The following DPY19L2 variants were observed in gnomAD, a reference collection of about 807,000 sequenced individuals.
The protein encoded by DPY19L2 is dpy-19 like 2, also known as probable C-mannosyltransferase DPY19L2.
In DPY19L2, 34 loss-of-function variants were observed where a neutral mutation model predicts 97.9. That is an observed-to-expected ratio of 0.35 (90% CI 0.26 to 0.46). DPY19L2 has a LOEUF of 0.46. Among genes scored for constraint, DPY19L2 ranks in the 20% least tolerant of loss-of-function variants. The pLI is 1.00. For synonymous variants in DPY19L2, 230 were observed against 307.9 expected (o/e 0.75, Z 2.65); for missense variants, 623 against 911.4 (o/e 0.68, Z 4.07).
chr12:63,608,084 T>C (rs1262967632), intron 12 of DPY19L2, among the ~76,000 whole-genome samples: 2 of 152,130 alleles, frequency 1.3e-5, no homozygotes, highest in East Asian at 3.8e-4. Flanking sequence ...ATCTGCATAT[T>C]TGGGAAGAAG....
chr12:63,643,526 A>G (rs1471956442), intron 6 of DPY19L2, among the ~76,000 whole-genome samples: 4 of 152,192 alleles, frequency 2.6e-5, no homozygotes, highest in Non-Finnish European at 4.4e-5. Flanking sequence ...TTCAGCTAGG[A>G]ATGCGCTCCA....
At chr12:63,627,619 G>C (rs1889792516) in intron 6 of DPY19L2, among the ~76,000 whole-genome samples, 1 of 152,006 alleles carries the variant, frequency 6.6e-6, no homozygotes, top group African/African-American at 2.4e-5. Context: ...CAAAGTGCTG[G>C]GATTACAGGC....
At chr12:63,566,621 A>G (rs974289398) in intron 21 of DPY19L2, among the ~76,000 whole-genome samples, 2 of 151,862 alleles carry the variant, frequency 1.3e-5, no homozygotes, top group Non-Finnish European at 2.9e-5. Context: ...TGAGTGTATC[A>G]ATAGTTTGAC....
intron 12 of DPY19L2, among the ~76,000 whole-genome samples, chr12:63,600,802 TTGA>T (rs1238355066): frequency 8.8e-6 from 1 of 113,102 alleles, no homozygotes; most frequent in Non-Finnish European, 1.8e-5. Flanking sequence ...TTTTTTTTTT[TTGA>T]GAGGGAGTCT....
chr12:63,662,598 G>A (rs1592772944), intron 3 of DPY19L2, among the ~76,000 whole-genome samples: 1 of 152,088 alleles, frequency 6.6e-6, no homozygotes, highest in African/African-American at 2.4e-5. Context: ...CTCTAAGGTT[G>A]GCATTATTTC....
chr12:63,594,464 A>T (rs112019815), intron 15 of DPY19L2, among the ~76,000 whole-genome samples: 15,447 of 124,996 alleles, frequency 0.12, 1,019 homozygotes, highest in East Asian at 0.27. Flanking sequence ...AGAGAGAGAT[A>T]GTGTGTGTGT....
intron 4 of DPY19L2, among the ~76,000 whole-genome samples, chr12:63,654,324 A>G (rs1231086687): frequency 6.6e-6 from 1 of 152,144 alleles, no homozygotes; most frequent in Non-Finnish European, 1.5e-5. Flanking sequence ...AAGCTTTGTA[A>G]AGTGATATAT....
At chr12:63,628,413 G>A (rs1043638377) in intron 6 of DPY19L2, among the ~76,000 whole-genome samples, 3 of 152,146 alleles carry the variant, frequency 2.0e-5, no homozygotes, top group African/African-American at 7.2e-5. Context: ...CACACCAGGA[G>A]ATTATATCAC....
chr12:63,652,528 C>T (rs559628814), intron 4 of DPY19L2, among the ~76,000 whole-genome samples: 1 of 152,224 alleles, frequency 6.6e-6, no homozygotes, highest in South Asian at 2.1e-4. Flanking sequence ...AACCTAAATG[C>T]CATCAATAGT....
chr12:63,626,646 A>G, intron 6 of DPY19L2, 120 bp from the exon 7 acceptor site: 1 of 1,329,268 alleles, frequency 7.5e-7, no homozygotes, highest in Non-Finnish European at 1.0e-6. Flanking sequence ...AAAACATCAT[A>G]GTACTAAACC....
rs1895870311 is a variant in DPY19L2, at chr12:63,662,903, C to T, written c.450+855G>A. Among the ~76,000 whole-genome samples, 4 of 152,022 alleles carry T rather than the reference C, an allele frequency of 2.6e-5. 1 individual carries two copies. The South Asian group carries it at 8.3e-4, about 32-fold the overall frequency. ...CCTGGCATAGGCAAAATCACAGAGA[C>T]AGAAAATAGAGCTGGGTGTGATTAG... On this transcript the variant is annotated intron_variant, in intron 3 of 21. Coordinates refer to ENST00000324472, the MANE Select transcript of DPY19L2 (RefSeq NM_173812.5).
intron 19 of DPY19L2, among the ~76,000 whole-genome samples, chr12:63,577,619 C>A (rs1391490654): frequency 6.6e-6 from 1 of 151,960 alleles, no homozygotes; most frequent in African/African-American, 2.4e-5. Flanking sequence ...GTCAAAAGAT[C>A]TGAATAGACA....
intron 1 of DPY19L2, among the ~76,000 whole-genome samples, chr12:63,667,563 CAA>C (rs1382087271): frequency 6.6e-6 from 1 of 152,174 alleles, no homozygotes; most frequent in Non-Finnish European, 1.5e-5. Context: ...TTCACTGAAA[CAA>C]AGACCATTAG....
intron 8 of DPY19L2, among the ~76,000 whole-genome samples, chr12:63,622,686 G>A (rs7980217): frequency 0.08 from 12,172 of 152,148 alleles, 764 homozygotes; most frequent in African/African-American, 0.17. Flanking sequence ...AGCACTTTGG[G>A]AGGCTGAAGC....
chr12:63,637,594 A>C (rs1408717649), intron 6 of DPY19L2, among the ~76,000 whole-genome samples: 1 of 152,176 alleles, frequency 6.6e-6, no homozygotes, highest in African/African-American at 2.4e-5. Context: ...CTCTACTATA[A>C]ACTAGAAAAT....
intron 6 of DPY19L2, among the ~76,000 whole-genome samples, chr12:63,639,050 C>T (rs183442843): frequency 5.2e-4 from 79 of 152,214 alleles, no homozygotes; most frequent in Middle Eastern, 6.8e-3. Flanking sequence ...AATAATGCTG[C>T]ATATCTACAA....
In DPY19L2 at chr12:63,656,724, TA is replaced by T. The variant is rs554469511; in HGVS notation, c.588+4619del. Among the ~76,000 whole-genome samples, 5 of 152,290 alleles carry T rather than the reference TA, an allele frequency of 3.3e-5. No individual in the cohort carries two copies. In the South Asian group the frequency reaches 1.0e-3, roughly 32 times the overall value. On this transcript the variant is annotated intron_variant, in intron 4 of 21. Coordinates refer to ENST00000324472, the MANE Select transcript of DPY19L2 (RefSeq NM_173812.5). ...ATGGTGTCACAGCTCTTAGATGTTC[TA>T]TCATTTCCTTCCTCCACTTTTTTTT... is the stretch of plus-strand genomic sequence containing the variant.
At chr12:63,606,324 G>A (rs552735671) in intron 12 of DPY19L2, among the ~76,000 whole-genome samples, 160 of 151,958 alleles carry the variant, frequency 1.1e-3, no homozygotes, top group African/African-American at 3.6e-3. Context: ...TCTTTATATT[G>A]ATTTTAAACA....
chr12:63,606,912 C>T (rs761153932), intron 12 of DPY19L2, among the ~76,000 whole-genome samples: 1 of 152,100 alleles, frequency 6.6e-6, no homozygotes, highest in Non-Finnish European at 1.5e-5. Flanking sequence ...AGTGAACTTG[C>T]TTCTATTGAC....
Sources: gnomAD v4.1 joint callset for allele counts (sites outside exome capture counted in the v4.1 genomes callset) on GRCh38, gnomAD v4.1.1 for gene constraint, MANE v1.5 for transcripts, NCBI Gene and HGNC (gene_info 2026-07-23, HGNC 2026-07-21) for gene names.